The following IQCJ variants were observed in gnomAD, a reference collection of about 807,000 sequenced individuals.
IQCJ encodes the protein IQ motif containing J.
In IQCJ, 9 loss-of-function variants were observed where a neutral mutation model predicts 11.0. The observed-to-expected ratio is 0.82, with a 90% CI of 0.49 to 1.43. The LOEUF (loss-of-function observed/expected upper bound fraction) is 1.43. Among genes scored for constraint, IQCJ ranks in the 40% most tolerant of loss-of-function variants. The pLI, the probability that IQCJ is intolerant of heterozygous loss-of-function variation, is 0.00. For synonymous variants in IQCJ, 55 were observed against 51.3 expected, an observed-to-expected ratio of 1.07 and a Z score of -0.31; for missense variants, 146 against 133.2, an observed-to-expected ratio of 1.10 and a Z score of -0.47.
intron 1 of IQCJ, among the ~76,000 whole-genome samples, chr3:159,132,677 G>T (rs1720057145): frequency 6.6e-6 from 1 of 152,148 alleles, no homozygotes. Flanking sequence ...ACTGTGTGAG[G>T]CTCAAATTTA....
At chr3:159,237,663 C>T (rs1726672558) in intron 1 of IQCJ, among the ~76,000 whole-genome samples, 1 of 152,108 alleles carries the variant, frequency 6.6e-6, no homozygotes, top group African/African-American at 2.4e-5. Flanking sequence ...TTGAATAATT[C>T]AACTTGTATT....
intron 2 of IQCJ, among the ~76,000 whole-genome samples, chr3:159,246,429 GGC>G (rs1195093555): frequency 6.6e-6 from 1 of 152,164 alleles, no homozygotes; most frequent in African/African-American, 2.4e-5. Flanking sequence ...TTTTGATATA[GGC>G]ATTATTATTT....
chr3:159,201,126 G>C (rs1246788505), intron 1 of IQCJ, among the ~76,000 whole-genome samples: 1 of 152,196 alleles, frequency 6.6e-6, no homozygotes, highest in African/African-American at 2.4e-5. Context: ...CATGAAGTAA[G>C]AGAGTTAGGG....
At chr3:159,242,326 A>C (rs951970485) in intron 1 of IQCJ, among the ~76,000 whole-genome samples, 1 of 152,240 alleles carries the variant, frequency 6.6e-6, no homozygotes, top group Admixed American at 6.5e-5. Context: ...ATGATGAATC[A>C]AGAAATTAGT....
intron 1 of IQCJ, among the ~76,000 whole-genome samples, chr3:159,216,135 A>G (rs1208326984): frequency 2.7e-5 from 4 of 149,340 alleles, no homozygotes; most frequent in Non-Finnish European, 6.0e-5. Context: ...TGAGGCTCTT[A>G]TGCTCCCTAC....
chr3:159,124,271 C>T (rs1719545635), intron 1 of IQCJ, among the ~76,000 whole-genome samples: 1 of 152,200 alleles, frequency 6.6e-6, no homozygotes, highest in South Asian at 2.1e-4. Flanking sequence ...CTTCCCACAT[C>T]TACTCTGACC....
chr3:159,132,627 A>C (rs1435032222), intron 1 of IQCJ, among the ~76,000 whole-genome samples: 2 of 152,192 alleles, frequency 1.3e-5, no homozygotes, highest in African/African-American at 2.4e-5. Context: ...AAAGAGCCTT[A>C]CTGATCACCA....
At chr3:159,179,739 T>C (rs13059834) in intron 1 of IQCJ, among the ~76,000 whole-genome samples, 21,222 of 152,216 alleles carry the variant, frequency 0.14, 1,679 homozygotes, top group Middle Eastern at 0.2. Flanking sequence ...AATCAACCTT[T>C]AATACATTAT....
chr3:159,208,347 C>T (rs1258530613), intron 1 of IQCJ, among the ~76,000 whole-genome samples: 1 of 152,166 alleles, frequency 6.6e-6, no homozygotes, highest in African/African-American at 2.4e-5. Flanking sequence ...CCAGGTCAGC[C>T]ATCACCTACC....
intron 1 of IQCJ, among the ~76,000 whole-genome samples, chr3:159,188,421 C>CA (rs1723497427): frequency 6.6e-6 from 1 of 151,996 alleles, no homozygotes; most frequent in Non-Finnish European, 1.5e-5. Flanking sequence ...AAAACAAAAA[C>CA]AAAAACAACA....
chr3:159,198,570 A>T (rs1189255721), intron 1 of IQCJ, among the ~76,000 whole-genome samples: 1 of 152,208 alleles, frequency 6.6e-6, no homozygotes, highest in African/African-American at 2.4e-5. Flanking sequence ...GAGTTCAGTG[A>T]AATAAAGTAA....
chr3:159,159,685 T>C (rs573857820), intron 1 of IQCJ, among the ~76,000 whole-genome samples: 18 of 152,330 alleles, frequency 1.2e-4, no homozygotes, highest in African/African-American at 4.3e-4. Context: ...AAATTTCATG[T>C]TGAAATGTGA....
At chr3:159,079,682 A>G (rs937305337) in intron 1 of IQCJ, among the ~76,000 whole-genome samples, 1 of 152,110 alleles carries the variant, frequency 6.6e-6, no homozygotes, top group African/African-American at 2.4e-5. Flanking sequence ...CTCAAAATCT[A>G]GGAATATATC....
chr3:159,087,533 G>A (rs1269603233), intron 1 of IQCJ, among the ~76,000 whole-genome samples: 1 of 151,928 alleles, frequency 6.6e-6, no homozygotes, highest in Non-Finnish European at 1.5e-5. Context: ...ATTCAGCTGT[G>A]AATCCATCTG....
chr3:159,260,319 T>TC (rs1477744095), intron 3 of IQCJ, among the ~76,000 whole-genome samples: 4 of 152,222 alleles, frequency 2.6e-5, no homozygotes, highest in Non-Finnish European at 5.9e-5. Context: ...TTTTGTATGT[T>TC]CTGAATAATG....
chr3:159,092,740 A>G lies in IQCJ; in HGVS notation c.9+23299A>G, dbSNP rs1717416424. On this transcript the variant is annotated intron_variant, in intron 1 of 3. Coordinates refer to ENST00000397832, the MANE Select transcript of IQCJ (RefSeq NM_001042706.3). ...CACACACACACACACACCATTTAGA[A>G]ACAACGGGGGGAATGTCAATGTAAA... 3.3e-5 allele frequency among the ~76,000 whole-genome samples: 5 copies of G among 149,522 alleles called. No homozygotes were observed. In the South Asian group the frequency reaches 1.0e-3, roughly 31 times the overall value.
intron 1 of IQCJ, among the ~76,000 whole-genome samples, chr3:159,108,109 A>T (rs1261012978): frequency 6.6e-6 from 1 of 152,022 alleles, no homozygotes; most frequent in Non-Finnish European, 1.5e-5. Context: ...TCCCTAGTTC[A>T]GGTTAGTGAA....
At chr3:159,254,736 T>C (rs781421381) in intron 3 of IQCJ, among the ~76,000 whole-genome samples, 4 of 152,106 alleles carry the variant, frequency 2.6e-5, no homozygotes, top group Non-Finnish European at 5.9e-5. Context: ...TCCTTCTCCC[T>C]TCCTTTATCA....
intron 1 of IQCJ, among the ~76,000 whole-genome samples, chr3:159,122,456 A>T (rs1298351500): frequency 6.6e-6 from 1 of 152,208 alleles, no homozygotes; most frequent in East Asian, 1.9e-4. Context: ...GCTTTGAGAG[A>T]TACTTGACTT....
Sources: allele counts gnomAD v4.1 joint callset (sites outside exome capture counted in the v4.1 genomes callset), GRCh38; gene constraint gnomAD v4.1.1; transcripts MANE v1.5; gene names NCBI Gene and HGNC (gene_info 2026-07-23, HGNC 2026-07-21).